MALRD1: variants seen among roughly 807,000 people sequenced by gnomAD.
MALRD1 encodes the protein MAM and LDL-receptor class A domain-containing protein 1.
Under a neutral mutation model 242.1 loss-of-function variants are expected in MALRD1, and 247 were observed. The observed-to-expected ratio is 1.02, with a 90% CI of 0.92 to 1.13. The LOEUF is 1.13. Among genes scored for constraint, MALRD1 ranks in the 50% most tolerant of loss-of-function variants. MALRD1 has a pLI of 0.00. For missense variants in MALRD1, 2,989 were observed against 2,533.1 expected, an observed-to-expected ratio of 1.18 and a Z score of -3.86; for synonymous variants, 995 against 866.6, an observed-to-expected ratio of 1.15 and a Z score of -2.60.
intron 1 of MALRD1, among the ~76,000 whole-genome samples, chr10:19,052,450 A>G (rs903460307): frequency 6.6e-6 from 1 of 152,216 alleles, no homozygotes; most frequent in Non-Finnish European, 1.5e-5. Context: ...TTCTGGGATC[A>G]AGAAAGTGTA....
At chr10:19,530,382 T>TATAATATTTATATAAATATTTATATAAA (rs71200983) in intron 31 of MALRD1, among the ~76,000 whole-genome samples, 2 of 16,538 alleles carry the variant, frequency 1.2e-4, no homozygotes, top group African/African-American at 2.7e-4. Context: ...TATATAAATA[T>TATAATATTTATATAAATATTTATATAAA]TATATATTTA....
chr10:19,264,958 C>G (rs1839914477), intron 19 of MALRD1, among the ~76,000 whole-genome samples: 1 of 151,886 alleles, frequency 6.6e-6, no homozygotes, highest in South Asian at 2.1e-4. Flanking sequence ...TTTTTTATTT[C>G]TCGTTGATTC....
intron 14 of MALRD1, among the ~76,000 whole-genome samples, chr10:19,202,800 T>A (rs1432582098): frequency 6.6e-6 from 1 of 152,342 alleles, no homozygotes; most frequent in East Asian, 1.9e-4. Context: ...TACTTTTTTT[T>A]TCAATCTAAT....
rs1425275546 is a variant in MALRD1, at chr10:19,066,923, C to T, written c.340+64C>T. ...CCTCCTTTCCTTCCTTCCCTCCCTT[C>T]CTTCTTCGTTCTTTCCCACCTCCCT... On this transcript the variant is annotated intron_variant, in intron 2 of 39. Transcript: ENST00000454679. 3.4e-6 allele frequency: 4 copies of T among 1,178,596 alleles called. No individual in the cohort carries two copies. The African/African-American group carries it at 6.3e-5, about 19-fold the overall frequency. 73.0% of individuals were successfully genotyped at this position (1,178,596 alleles called of 1,614,324 possible).
rs879686106 is a variant in MALRD1, at chr10:19,450,594, A to C, written c.5029+104A>C. 1.1e-5 allele frequency: 11 copies of C among 977,234 alleles called. No homozygotes were observed. In the Admixed American group the frequency reaches 2.9e-4, roughly 26 times the overall value. The allele number at this position is 977,234 out of a possible 1,614,324, so 60.5% of individuals were successfully genotyped here. A position where few individuals can be genotyped will look rare whatever the true frequency, so the allele number is the denominator to read the frequency against. On this transcript the variant is annotated intron_variant, in intron 29 of 39. Coordinates refer to ENST00000454679, the MANE Select transcript of MALRD1 (RefSeq NM_001142308.3). The stretch of plus-strand genomic sequence containing the variant: ...TGCTTTACTGTTATGTATTTTGTAC[A>C]CATACACAAATCAATGGAAAGGTAT...
intron 5 of MALRD1, among the ~76,000 whole-genome samples, chr10:19,120,114 G>A (rs922770949): frequency 1.3e-5 from 2 of 152,132 alleles, no homozygotes; most frequent in African/African-American, 2.4e-5. Flanking sequence ...CATGTGACTA[G>A]CTGATATTAA....
chr10:19,071,689 GC>G (rs1835153148), intron 2 of MALRD1, among the ~76,000 whole-genome samples: 1 of 152,080 alleles, frequency 6.6e-6, no homozygotes, highest in Admixed American at 6.6e-5. Flanking sequence ...GGGAAACTGA[GC>G]CATAATCCAT....
At chr10:19,687,510 C>T (rs976732400) in intron 36 of MALRD1, among the ~76,000 whole-genome samples, 2 of 152,154 alleles carry the variant, frequency 1.3e-5, no homozygotes, top group African/African-American at 2.4e-5. Context: ...GTCAGCCTAG[C>T]CTAAACCCAC....
chr10:19,053,999 T>C (rs1408629280), intron 1 of MALRD1, among the ~76,000 whole-genome samples: 1 of 152,154 alleles, frequency 6.6e-6, no homozygotes, highest in Non-Finnish European at 1.5e-5. Context: ...AAGTAATTTG[T>C]AGGTCTAATA....
At chr10:19,467,127 G>A (rs1280307198) in intron 29 of MALRD1, among the ~76,000 whole-genome samples, 1 of 152,012 alleles carries the variant, frequency 6.6e-6, no homozygotes, top group Non-Finnish European at 1.5e-5. Context: ...GGCTGAGGCA[G>A]GTGAATCATG....
At chr10:19,221,121 T>A (rs1591329) in intron 18 of MALRD1, among the ~76,000 whole-genome samples, 38,510 of 152,010 alleles carry the variant, frequency 0.25, 5,438 homozygotes, top group Admixed American at 0.32. Flanking sequence ...ATAATTTTTT[T>A]AAAAAATGTT....
At chr10:19,441,819 T>A (rs1589079299) in intron 28 of MALRD1, among the ~76,000 whole-genome samples, 2 of 13,526 alleles carry the variant, frequency 1.5e-4, no homozygotes, top group African/African-American at 2.5e-4. Context: ...ATGTGGGCTC[T>A]TTTTTGGTTC....
At chr10:19,153,798 G>A (rs545134162) in intron 11 of MALRD1, among the ~76,000 whole-genome samples, 25 of 152,148 alleles carry the variant, frequency 1.6e-4, no homozygotes, top group Non-Finnish European at 2.5e-4. Flanking sequence ...TTGTCTAAAC[G>A]ATTTATTCAG....
At chr10:19,398,404 C>G (rs896599758) in intron 28 of MALRD1, among the ~76,000 whole-genome samples, 1 of 152,110 alleles carries the variant, frequency 6.6e-6, no homozygotes, top group Non-Finnish European at 1.5e-5. Context: ...ATATGTTAAA[C>G]AAGAAGACTT....
rs1554783719 is a variant in MALRD1, at chr10:19,490,508, G to GGGA, written c.5030-1007_5030-1006insAGG. 1.5e-4 allele frequency among the ~76,000 whole-genome samples: 15 copies of GGGA among 99,546 alleles called. 1 individual carries two copies. Among genetic ancestry groups the GGGA allele is most frequent in the African/African-American group, 5.1e-4 (14 of 27,228 alleles). The allele number at this position is 99,546 out of a possible 152,430, so 65.3% of individuals were successfully genotyped here. ...TAAACAGAAGAAGCCAAGTGGGGCG[G>GGGA]GGGGGGGGCAGGGTTATGGGGGTGA... is the stretch of plus-strand genomic sequence containing the variant. On this transcript the variant is annotated intron_variant, in intron 29 of 39. Transcript: ENST00000454679.
At chr10:19,531,586 G>A (rs901296996) in intron 32 of MALRD1, among the ~76,000 whole-genome samples, 1 of 152,138 alleles carries the variant, frequency 6.6e-6, no homozygotes, top group Non-Finnish European at 1.5e-5. Flanking sequence ...ATGTTGTATG[G>A]TATTTAAAAG....
At chr10:19,395,136 G>T (rs1440057920) in intron 28 of MALRD1, among the ~76,000 whole-genome samples, 1 of 152,094 alleles carries the variant, frequency 6.6e-6, no homozygotes, top group East Asian at 1.9e-4. Flanking sequence ...AGTGTACTTG[G>T]CCAAATAATT....
intron 21 of MALRD1, among the ~76,000 whole-genome samples, chr10:19,317,519 G>A (rs1233360555): frequency 6.6e-6 from 1 of 151,896 alleles, no homozygotes; most frequent in Non-Finnish European, 1.5e-5. Context: ...TTTTTTGGTG[G>A]ATTATGTCTT....
intron 28 of MALRD1, among the ~76,000 whole-genome samples, chr10:19,400,579 C>G (rs1254164106): frequency 6.6e-6 from 1 of 152,048 alleles, no homozygotes; most frequent in Non-Finnish European, 1.5e-5. Context: ...ATTGAATGTA[C>G]AAGCAGTACA....
Sources: gnomAD v4.1 joint callset for allele counts (sites outside exome capture counted in the v4.1 genomes callset) on GRCh38, gnomAD v4.1.1 for gene constraint, MANE v1.5 for transcripts, NCBI Gene and HGNC (gene_info 2026-07-23, HGNC 2026-07-21) for gene names.